Variants in PHF24 observed in about 807,000 individuals in gnomAD.
The protein encoded by PHF24 is Galpha inhibitory interacting protein.
PHF24 carries 25 observed loss-of-function variants against 42.6 expected under a neutral mutation model. The observed-to-expected ratio is 0.59, with a 90% CI of 0.43 to 0.82. PHF24 has a LOEUF of 0.82. Ranked by LOEUF, PHF24 falls within the 40% of genes least tolerant of loss-of-function variation. The pLI is 0.00. For synonymous variants in PHF24, 185 were observed against 204.8 expected, an observed-to-expected ratio of 0.90 and a Z score of 0.83; for missense variants, 470 against 538.1, an observed-to-expected ratio of 0.87 and a Z score of 1.25.
the PHF24 span, among the ~76,000 whole-genome samples, chr9:34,844,549 T>C: frequency 6.6e-6 from 1 of 152,222 alleles, no homozygotes; most frequent in East Asian, 1.9e-4. Context: ...CCATTGGTTA[T>C]TCAGGAGCAT....
At chr9:34,766,011 G>C in the PHF24 span, among the ~76,000 whole-genome samples, 28,363 of 151,206 alleles carry the variant, frequency 0.19, 2,913 homozygotes, top group African/African-American at 0.29. Flanking sequence ...TTTTCTTTAA[G>C]AATGTTGAAT....
intron 6 of PHF24, 83 bp downstream of exon 6, chr9:34,977,326 TC>T: frequency 6.8e-7 from 1 of 1,472,952 alleles, no homozygotes; most frequent in Non-Finnish European, 9.2e-7. Flanking sequence ...ACCTCCCTGC[TC>T]CCCCTGCCAA....
the PHF24 span, among the ~76,000 whole-genome samples, chr9:34,690,821 A>G: frequency 1.3e-5 from 2 of 152,164 alleles, no homozygotes; most frequent in East Asian, 3.9e-4. Flanking sequence ...AAACGGAGGC[A>G]GCAGGAAATA....
chr9:34,865,638 A>C, the PHF24 span, among the ~76,000 whole-genome samples: 1 of 152,192 alleles, frequency 6.6e-6, no homozygotes, highest in African/African-American at 2.4e-5. Flanking sequence ...AAATCAAAAA[A>C]CATACAATGG....
At chr9:34,911,765 C>G in the PHF24 span, among the ~76,000 whole-genome samples, 1 of 151,654 alleles carries the variant, frequency 6.6e-6, no homozygotes, top group African/African-American at 2.4e-5. Context: ...GCCTATCTCC[C>G]CCACTGATTG....
At chr9:34,907,372 A>C in the PHF24 span, among the ~76,000 whole-genome samples, 3 of 152,224 alleles carry the variant, frequency 2.0e-5, no homozygotes, top group Non-Finnish European at 4.4e-5. Context: ...TGGGTTATTC[A>C]GTAATAATTA....
At chr9:34,753,670 A>C in the PHF24 span, among the ~76,000 whole-genome samples, 1 of 152,182 alleles carries the variant, frequency 6.6e-6, no homozygotes, top group Admixed American at 6.5e-5. Flanking sequence ...TACAAAAGGA[A>C]CAGAATAGCC....
chr9:34,923,014 G>A, the PHF24 span: 2 of 615,894 alleles, frequency 3.2e-6, no homozygotes, highest in Middle Eastern at 4.3e-4. Context: ...CTGGGCTCCG[G>A]CCCGCCTAGA....
chr9:34,762,718 G>A, the PHF24 span, among the ~76,000 whole-genome samples: 140,086 of 149,588 alleles, frequency 0.94, 66,066 homozygotes, highest in Non-Finnish European at 0.99. Flanking sequence ...CCCATTTGTC[G>A]ATTTTGGCTT....
the PHF24 span, among the ~76,000 whole-genome samples, chr9:34,784,165 A>C: frequency 6.6e-6 from 1 of 152,172 alleles, no homozygotes; most frequent in Admixed American, 6.5e-5. Context: ...TTCCATAAAT[A>C]GGCTTGCTGC....
the PHF24 span, among the ~76,000 whole-genome samples, chr9:34,830,544 G>T: frequency 5.3e-5 from 8 of 152,162 alleles, no homozygotes; most frequent in African/African-American, 1.4e-4. Flanking sequence ...CTCCTTAGAG[G>T]TTCGAAGGAA....
the PHF24 span, among the ~76,000 whole-genome samples, chr9:34,937,458 G>A: frequency 1.3e-4 from 20 of 152,080 alleles, no homozygotes; most frequent in South Asian, 2.1e-4. Context: ...CAGCAGGCTC[G>A]TTAAGAGTCA....
chr9:34,678,696 T>G, the PHF24 span, among the ~76,000 whole-genome samples: 1 of 151,678 alleles, frequency 6.6e-6, no homozygotes, highest in Non-Finnish European at 1.5e-5. Flanking sequence ...AGTGACACGA[T>G]CTCGGCTCAC....
chr9:34,883,484 C>T, the PHF24 span, among the ~76,000 whole-genome samples: 503 of 152,310 alleles, frequency 3.3e-3, 3 homozygotes, highest in African/African-American at 0.011. Context: ...GGGCTAATAT[C>T]CAGAATCTAC....
chr9:34,693,911 CT>C, the PHF24 span, among the ~76,000 whole-genome samples: 1 of 152,040 alleles, frequency 6.6e-6, no homozygotes, highest in African/African-American at 2.4e-5. Context: ...CTCCCTTTAG[CT>C]TTTCTTATGG....
At chr9:34,894,644 C>T in the PHF24 span, 47 of 396,786 alleles carry the variant, frequency 1.2e-4, no homozygotes, top group East Asian at 1.4e-3. Context: ...ATAACTTAAC[C>T]GTTTACGATG....
the PHF24 span, among the ~76,000 whole-genome samples, chr9:34,741,010 C>T: frequency 6.6e-6 from 1 of 151,538 alleles, no homozygotes; most frequent in Non-Finnish European, 1.5e-5. Flanking sequence ...TTCAGCCTCC[C>T]GAGTAGCTGG....
the PHF24 span, among the ~76,000 whole-genome samples, chr9:34,852,939 C>T: frequency 6.6e-6 from 1 of 152,160 alleles, no homozygotes; most frequent in South Asian, 2.1e-4. Context: ...ACATATTTCC[C>T]TAGGCTTGGA....
chr9:34,781,393 T>C, the PHF24 span, among the ~76,000 whole-genome samples: 2 of 152,158 alleles, frequency 1.3e-5, no homozygotes, highest in African/African-American at 4.8e-5. Context: ...GGACCTGTAA[T>C]AGGCAAATTC....
Sources: allele counts gnomAD v4.1 joint callset (sites outside exome capture counted in the v4.1 genomes callset), GRCh38; gene constraint gnomAD v4.1.1; transcripts MANE v1.5; gene names NCBI Gene and HGNC (gene_info 2026-07-23, HGNC 2026-07-21).